The following P2RY6 variants were observed in gnomAD, a reference collection of about 807,000 sequenced individuals.
P2RY6 encodes P2Y purinoceptor 6.
P2RY6 carries 19 observed loss-of-function variants against 16.3 expected under a neutral mutation model. The observed-to-expected ratio is 1.16, with a 90% confidence interval of 0.81 to 1.71. P2RY6 has a LOEUF of 1.71. P2RY6 is among the 40% of genes most tolerant of loss of function. The pLI is 0.00. For synonymous variants in P2RY6, 184 were observed against 201.5 expected (o/e 0.91, Z 0.74); for missense variants, 389 against 455.5 (o/e 0.85, Z 1.33).
chr11:73,297,651 A>G lies in P2RY6; in HGVS notation c.*146A>G, dbSNP rs1477731266. ...CCTCACAGGACCCAGAAGCTCACCA[A>G]AAACTATTTCTTCAGCCCCTTCTCT... On this transcript the variant is annotated 3_prime_UTR_variant, in exon 3 of 3. Coordinates refer to ENST00000540124, the MANE Select transcript of P2RY6 (RefSeq NM_001277204.2). The G allele has an allele frequency of 1.8e-5, 12 of 671,180 alleles. No homozygotes were observed. The highest frequency in any genetic ancestry group is 3.1e-5 in the Non-Finnish European group (12 of 389,096). The allele number at this position is 671,180 out of a possible 1,614,324, so 41.6% of individuals were successfully genotyped here. A position where few individuals can be genotyped will look rare whatever the true frequency, so the allele number is the denominator to read the frequency against.
chr11:73,278,710 A>G (rs928269310), intron 1 of P2RY6, among the ~76,000 whole-genome samples: 1 of 152,242 alleles, frequency 6.6e-6, no homozygotes, highest in African/African-American at 2.4e-5. Context: ...TTCATTTTTT[A>G]AGGCTGAATA....
intron 1 of P2RY6, among the ~76,000 whole-genome samples, chr11:73,284,551 C>G (rs1344539008): frequency 1.3e-5 from 2 of 152,230 alleles, no homozygotes; most frequent in Middle Eastern, 3.2e-3. Flanking sequence ...CTCACACACA[C>G]GGCCAGGCAG....
rs1565175720 is a variant in P2RY6 at position 73,296,957 on chromosome 11, G to C, written c.439G>C (p.Val147Leu). The change falls in exon 3 of 3, where the codon GTG becomes CTG. Residue 147 changes from valine (V) to leucine (L), a missense_variant. By Grantham distance (32) the Val-to-Leu change is conservative. Transcript: ENST00000540124. ...KRGGRRAAWL[V>L]CVAVWLAVTT... ...TGGGGGCCGCCGGGCTGCCTGGCTA[G>C]TGTGTGTAGCCGTGTGGCTGGCCGT... 1 of 1,604,524 alleles carries C rather than the reference G, an allele frequency of 6.2e-7. No individual in the cohort carries two copies. Among genetic ancestry groups the C allele is most frequent in the East Asian group, 2.2e-5 (1 of 44,880 alleles).
At position 73,297,559 on chromosome 11, in the gene P2RY6, G is replaced by A; in HGVS notation, c.*54G>A. The A allele has an allele frequency of 7.0e-7, 1 of 1,420,574 alleles. No individual in the cohort carries two copies. The highest frequency in any genetic ancestry group is 1.3e-5 in the South Asian group (1 of 79,862). 88.0% of individuals were successfully genotyped at this position (1,420,574 alleles called of 1,614,324 possible). On this transcript the variant is annotated 3_prime_UTR_variant, in exon 3 of 3. Coordinates refer to ENST00000540124, the MANE Select transcript of P2RY6 (RefSeq NM_001277204.2). ...TTTGCCATTGTGTCCGGGGCACCAG[G>A]AGCCCCACCAACCCCAAACCATGCG...
chr11:73,282,203 C>T lies in P2RY6; in HGVS notation c.-121+9737C>T, dbSNP rs1863792658. Reference sequence around the variant, plus strand: ...CCACTGGCTGGTCCCTGGAGCCTCCCCATCCCACGGCCACAACCCCATTTG... The same window carrying T: ...CCACTGGCTGGTCCCTGGAGCCTCCTCATCCCACGGCCACAACCCCATTTG... On this transcript the variant is annotated intron_variant, in intron 1 of 2. Transcript: ENST00000540124. 2.0e-5 allele frequency among the ~76,000 whole-genome samples: 3 copies of T among 152,224 alleles called. No homozygotes were observed. The South Asian group carries it at 6.2e-4, about 31-fold the overall frequency.
In P2RY6 at chr11:73,297,760, A is replaced by C; in HGVS notation, c.*255A>C. The C allele has an allele frequency of 1.8e-6, 1 of 542,034 alleles. No individual in the cohort carries two copies. The highest frequency in any genetic ancestry group is 2.7e-5 in the South Asian group (1 of 36,734). 33.6% of individuals were successfully genotyped at this position (542,034 alleles called of 1,614,324 possible). On this transcript the variant is annotated 3_prime_UTR_variant, in exon 3 of 3. Transcript: ENST00000540124. ...CAGTCAGCCATGGAGAGCTGGGGAA[A>C]CCACATTAAGGTGCTCACAAAAATA...
chr11:73,274,535 T>TCC (rs1163248229), intron 1 of P2RY6, among the ~76,000 whole-genome samples: 1,782 of 136,234 alleles, frequency 0.013, 45 homozygotes, highest in African/African-American at 0.05. Context: ...AGAGCGAGAC[T>TCC]GTCTCAAAAA....
chr11:73,293,640 A>T (rs1864361061), intron 1 of P2RY6, among the ~76,000 whole-genome samples: 1 of 152,222 alleles, frequency 6.6e-6, no homozygotes, highest in Non-Finnish European at 1.5e-5. Context: ...CTCAGAAAGT[A>T]GACAAGAGAG....
chr11:73,292,841 G>A (rs979453370), intron 1 of P2RY6: 3 of 984,998 alleles, frequency 3.0e-6, no homozygotes, highest in Non-Finnish European at 3.6e-6. Context: ...GGGCAGGAGA[G>A]TGGGGAGCCT....
chr11:73,293,648 G>A (rs772884631), intron 1 of P2RY6, among the ~76,000 whole-genome samples: 4 of 152,226 alleles, frequency 2.6e-5, no homozygotes, highest in Non-Finnish European at 5.9e-5. Flanking sequence ...GTAGACAAGA[G>A]AGCCCAGGCA....
intron 1 of P2RY6, among the ~76,000 whole-genome samples, chr11:73,284,223 A>C (rs1209621936): frequency 1.3e-5 from 2 of 152,176 alleles, no homozygotes; most frequent in African/African-American, 4.8e-5. Context: ...CACTCAACCA[A>C]GTCATGTCCT....
At chr11:73,265,719 G>A (rs760823176) in intron 1 of P2RY6, among the ~76,000 whole-genome samples, 4 of 152,186 alleles carry the variant, frequency 2.6e-5, no homozygotes, top group Non-Finnish European at 5.9e-5. Context: ...GCAGGACCCT[G>A]GGGACCACGA....
intron 1 of P2RY6, among the ~76,000 whole-genome samples, chr11:73,280,070 G>T (rs1181952869): frequency 6.6e-6 from 1 of 152,146 alleles, no homozygotes; most frequent in Non-Finnish European, 1.5e-5. Context: ...GGGCAAGCTG[G>T]GCCCCAGGCA....
chr11:73,270,685 C>A (rs140636421), upstream of P2RY6, among the ~76,000 whole-genome samples: 2 of 152,166 alleles, frequency 1.3e-5, no homozygotes, highest in African/African-American at 4.8e-5. Flanking sequence ...GGCACAAGCT[C>A]GGGATGCTCC....
At position 73,296,868 on chromosome 11, in the gene P2RY6, T is replaced by C; in HGVS notation, c.350T>C (p.Leu117Pro). 6.2e-7 allele frequency: 1 copy of C among 1,610,680 alleles called. No homozygotes were observed. Among genetic ancestry groups the C allele is most frequent in the Non-Finnish European group, 8.5e-7 (1 of 1,180,018 alleles). Residue 117 changes from leucine (L) to proline (P), a missense_variant, in exon 3 of 3, where the codon CTC (leucine) becomes CCC (proline). Transcript: ENST00000540124. ...AACCTGCACGGCAGCATCCTCTTCCTCACCTGCATCAGCTTCCAGCGCTAC... is the reference window on the plus strand; with the variant it reads ...AACCTGCACGGCAGCATCCTCTTCCCCACCTGCATCAGCTTCCAGCGCTAC... The part of the protein sequence containing the change: ...YANLHGSILF[L>P]TCISFQRYLG...
Position 73,297,880 on chromosome 11 carries a change from CT to C in P2RY6, c.*376del. On this transcript the variant is annotated 3_prime_UTR_variant, in exon 3 of 3. Transcript: ENST00000540124. ...AGATGAGAGGGGGAGGTGAGAGCTT[CT>C]GGGAAGGGGCATTTGAGCTGGGTTT... 4.1e-6 allele frequency: 1 copy of C among 242,488 alleles called. No homozygotes were observed. Among genetic ancestry groups the C allele is most frequent in the Middle Eastern group, 1.6e-3 (1 of 618 alleles). 15.0% of individuals were successfully genotyped at this position (242,488 alleles called of 1,614,324 possible).
chr11:73,274,431 C>G (rs1324521025), intron 1 of P2RY6, among the ~76,000 whole-genome samples: 1 of 151,444 alleles, frequency 6.6e-6, no homozygotes, highest in Non-Finnish European at 1.5e-5. Flanking sequence ...AAAATGAAAG[C>G]ATCAGGAGGC....
At chr11:73,266,152 G>T (rs1487445676) in intron 1 of P2RY6, among the ~76,000 whole-genome samples, 1 of 152,176 alleles carries the variant, frequency 6.6e-6, no homozygotes, top group African/African-American at 2.4e-5. Flanking sequence ...GTCCCTATTT[G>T]AGTATCTCTG....
intron 1 of P2RY6, among the ~76,000 whole-genome samples, chr11:73,290,540 T>C (rs1864201409): frequency 6.6e-6 from 1 of 152,200 alleles, no homozygotes; most frequent in Non-Finnish European, 1.5e-5. Flanking sequence ...TGAGGCCCCC[T>C]CTTTGCAGAG....
Sources: allele counts gnomAD v4.1 joint callset (sites outside exome capture counted in the v4.1 genomes callset), GRCh38; gene constraint gnomAD v4.1.1; transcripts MANE v1.5; gene names NCBI Gene and HGNC (gene_info 2026-07-23, HGNC 2026-07-21).